Variants in RAD51B observed in about 807,000 individuals in gnomAD.
RAD51B encodes DNA repair protein RAD51 homolog 2.
RAD51B carries 38 observed loss-of-function variants against 42.2 expected under a neutral mutation model. The ratio of observed to expected loss-of-function variants is 0.90; its 90% CI spans 0.70 to 1.18. RAD51B has a LOEUF of 1.18. Ranked by LOEUF, RAD51B falls within the 50% of genes most tolerant of loss-of-function variation. The probability of loss-of-function intolerance (pLI) is 0.00; values close to 1 mark genes in which losing one functional copy is unlikely to be tolerated. For missense variants in RAD51B, 373 were observed against 400.7 expected (o/e 0.93, Z 0.59); for synonymous variants, 154 against 145.2 (o/e 1.06, Z -0.43).
chr14:68,656,211 C>T (rs1566965376), intron 11 of RAD51B, among the ~76,000 whole-genome samples: 1 of 152,214 alleles, frequency 6.6e-6, no homozygotes, highest in Non-Finnish European at 1.5e-5. Context: ...CCCTGCTCAC[C>T]TGGCAGCAGG....
intron 7 of RAD51B, among the ~76,000 whole-genome samples, chr14:68,219,357 G>A (rs1219376355): frequency 6.6e-6 from 1 of 152,160 alleles, no homozygotes; most frequent in South Asian, 2.1e-4. Context: ...ACTCTTGAAA[G>A]TGTCACCTTC....
intron 10 of RAD51B, among the ~76,000 whole-genome samples, chr14:68,530,991 G>C (rs1391272536): frequency 2.0e-5 from 3 of 151,966 alleles, no homozygotes; most frequent in Non-Finnish European, 2.9e-5. Flanking sequence ...CAGGGAGGAG[G>C]ATAAGATATT....
chr14:68,417,952 C>T (rs1261219590), intron 9 of RAD51B, among the ~76,000 whole-genome samples: 1 of 152,178 alleles, frequency 6.6e-6, no homozygotes. Context: ...GTCCCCTTTC[C>T]CATGCTTTGA....
chr14:67,887,214 T>C lies in RAD51B; in HGVS notation c.756+10T>C, dbSNP rs769044305. On this transcript the variant is annotated intron_variant, in intron 7 of 10. Transcript: ENST00000471583. Reference sequence around the variant, plus strand: ...GGAGTTTTCAATCCCAGTAAGTTTTTCTTTTTTTCTCTTTTTTCTTTTCCT... The same window carrying C: ...GGAGTTTTCAATCCCAGTAAGTTTTCCTTTTTTTCTCTTTTTTCTTTTCCT... 3 of 1,571,156 alleles carry C rather than the reference T, an allele frequency of 1.9e-6. No individual in the cohort carries two copies. The highest frequency in any genetic ancestry group is 2.6e-6 in the Non-Finnish European group (3 of 1,147,952).
intron 7 of RAD51B, among the ~76,000 whole-genome samples, chr14:68,101,896 C>G (rs1454566811): frequency 2.0e-5 from 3 of 152,246 alleles, no homozygotes; most frequent in Admixed American, 6.5e-5. Flanking sequence ...GGCTCCACCT[C>G]TACATTAGAC....
At chr14:68,064,169 T>G (rs2076613232) in intron 7 of RAD51B, among the ~76,000 whole-genome samples, 2 of 152,230 alleles carry the variant, frequency 1.3e-5, no homozygotes, top group Admixed American at 6.5e-5. Flanking sequence ...AGTGTTTGCT[T>G]TCTTAGGAAA....
chr14:68,212,325 A>G (rs1006190393), intron 7 of RAD51B, among the ~76,000 whole-genome samples: 4 of 152,204 alleles, frequency 2.6e-5, no homozygotes, highest in African/African-American at 7.2e-5. Context: ...TCTAAAAAGG[A>G]TATTATCTTT....
At chr14:67,901,985 T>A (rs2043629725) in intron 7 of RAD51B, among the ~76,000 whole-genome samples, 1 of 152,182 alleles carries the variant, frequency 6.6e-6, no homozygotes, top group Non-Finnish European at 1.5e-5. Flanking sequence ...TGGAAAGTCC[T>A]GACTTCATCA....
intron 7 of RAD51B, among the ~76,000 whole-genome samples, chr14:68,290,451 A>T (rs1275587212): frequency 3.3e-5 from 5 of 152,178 alleles, no homozygotes; most frequent in African/African-American, 7.2e-5. Context: ...ACAAATGAGA[A>T]TTTTTTAGGA....
At chr14:67,822,840 T>C (rs1483906721) in intron 1 of RAD51B, among the ~76,000 whole-genome samples, 1 of 152,186 alleles carries the variant, frequency 6.6e-6, no homozygotes, top group Non-Finnish European at 1.5e-5. Flanking sequence ...GAGTTAAATA[T>C]GATTATGGAC....
chr14:68,103,912 A>G (rs1278356978), intron 7 of RAD51B, among the ~76,000 whole-genome samples: 6 of 152,196 alleles, frequency 3.9e-5, no homozygotes, highest in Admixed American at 3.9e-4. Flanking sequence ...TTTGTCTCCT[A>G]TTAGAAGCAC....
At chr14:68,446,202 G>A (rs548193465) in intron 9 of RAD51B, among the ~76,000 whole-genome samples, 40 of 152,266 alleles carry the variant, frequency 2.6e-4, no homozygotes, top group Non-Finnish European at 4.6e-4. Context: ...TGTGAAGTGG[G>A]TATTACTACC....
intron 7 of RAD51B, among the ~76,000 whole-genome samples, chr14:68,282,758 A>T (rs1335080660): frequency 6.6e-6 from 1 of 152,192 alleles, no homozygotes; most frequent in Admixed American, 6.5e-5. Context: ...CTCTGGAGAT[A>T]GAATTGGTTG....
At chr14:68,052,713 G>A (rs569022521) in intron 7 of RAD51B, among the ~76,000 whole-genome samples, 2 of 151,082 alleles carry the variant, frequency 1.3e-5, no homozygotes, top group African/African-American at 4.9e-5. Flanking sequence ...CTCTGCCTCC[G>A]AGGCTCCAGC....
At chr14:68,010,364 A>C (rs924967600) in intron 7 of RAD51B, among the ~76,000 whole-genome samples, 2 of 151,986 alleles carry the variant, frequency 1.3e-5, no homozygotes, top group African/African-American at 2.4e-5. Flanking sequence ...ATTATACGTG[A>C]TTTAGTCCAC....
intron 7 of RAD51B, among the ~76,000 whole-genome samples, chr14:68,250,335 G>T (rs2080596364): frequency 6.6e-6 from 1 of 152,154 alleles, no homozygotes; most frequent in Non-Finnish European, 1.5e-5. Context: ...CACTATGCAG[G>T]CTATGCTTTT....
chr14:68,646,689 T>G (rs545747852), intron 10 of RAD51B, among the ~76,000 whole-genome samples: 5 of 152,178 alleles, frequency 3.3e-5, no homozygotes, highest in Non-Finnish European at 7.4e-5. Flanking sequence ...AAATCTGTGT[T>G]GATTCTTTTT....
intron 10 of RAD51B, among the ~76,000 whole-genome samples, chr14:68,549,104 G>A (rs1024520374): frequency 2.6e-5 from 4 of 152,162 alleles, no homozygotes; most frequent in Non-Finnish European, 4.4e-5. Flanking sequence ...AGCCCCAGGA[G>A]TAGGTCAGGT....
chr14:68,605,195 G>A (rs1039549835), intron 10 of RAD51B, among the ~76,000 whole-genome samples: 2 of 152,326 alleles, frequency 1.3e-5, no homozygotes, highest in Non-Finnish European at 1.5e-5. Context: ...AGGTGTCACA[G>A]CAGGGCGGGT....
Sources: gnomAD v4.1 joint callset for allele counts (sites outside exome capture counted in the v4.1 genomes callset) on GRCh38, gnomAD v4.1.1 for gene constraint, MANE v1.5 for transcripts, NCBI Gene and HGNC (gene_info 2026-07-23, HGNC 2026-07-21) for gene names.